SNCAIP: variants seen among roughly 807,000 people sequenced by gnomAD.
The protein encoded by SNCAIP is synuclein alpha interacting protein, also known as synphilin-1.
In SNCAIP, 43 loss-of-function variants were observed where a neutral mutation model predicts 86.7. The ratio of observed to expected loss-of-function variants is 0.50; its 90% confidence interval spans 0.39 to 0.64. SNCAIP has a LOEUF of 0.64. SNCAIP is among the 30% of genes least tolerant of loss of function. The pLI is 0.00. For missense variants in SNCAIP, 981 were observed against 1,103.1 expected, an observed-to-expected ratio of 0.89 and a Z score of 1.57; for synonymous variants, 417 against 427.2, an observed-to-expected ratio of 0.98 and a Z score of 0.29.
At chr5:122,314,750 C>T (rs952229798) in intron 1 of SNCAIP, among the ~76,000 whole-genome samples, 23 of 152,070 alleles carry the variant, frequency 1.5e-4, no homozygotes, top group African/African-American at 4.3e-4. Flanking sequence ...CGGTTTTTTA[C>T]GTTTTTGAAA....
At chr5:122,321,748 C>A (rs1378028874) in intron 1 of SNCAIP, 1 of 152,184 alleles carries the variant, frequency 6.6e-6, no homozygotes, top group Admixed American at 6.5e-5. Flanking sequence ...GTTTCAATCT[C>A]CCATCTTTGT....
intron 1 of SNCAIP, among the ~76,000 whole-genome samples, chr5:122,324,261 A>G (rs1315113250): frequency 2.6e-5 from 4 of 152,214 alleles, no homozygotes; most frequent in African/African-American, 9.6e-5. Context: ...TTGTGAAATT[A>G]TATCCTACAT....
chr5:122,463,298 C>T (rs1022986831), intron 10 of SNCAIP, among the ~76,000 whole-genome samples, 193 bp from the exon 11 acceptor site: 8 of 152,168 alleles, frequency 5.3e-5, no homozygotes, highest in African/African-American at 1.7e-4. Flanking sequence ...TGTGTTATTA[C>T]ATGACTATTG....
chr5:122,328,808 C>T (rs1030885425), intron 1 of SNCAIP, among the ~76,000 whole-genome samples: 3 of 152,194 alleles, frequency 2.0e-5, no homozygotes, highest in African/African-American at 4.8e-5. Context: ...GCCTTGCCCA[C>T]TTGTCCAGCT....
chr5:122,330,270 C>T (rs1363559400), intron 1 of SNCAIP, among the ~76,000 whole-genome samples: 1 of 151,578 alleles, frequency 6.6e-6, no homozygotes, highest in Non-Finnish European at 1.5e-5. Flanking sequence ...TACAGGCGCC[C>T]GCCACTACGC....
intron 2 of SNCAIP, among the ~76,000 whole-genome samples, chr5:122,391,494 C>T (rs565269141): frequency 2.1e-4 from 32 of 152,330 alleles, no homozygotes; most frequent in African/African-American, 7.2e-4. Context: ...CAGCCACTTT[C>T]ATAGAGTTAA....
intron 2 of SNCAIP, among the ~76,000 whole-genome samples, chr5:122,394,755 G>A (rs1770219266): frequency 6.6e-6 from 1 of 152,162 alleles, no homozygotes; most frequent in African/African-American, 2.4e-5. Flanking sequence ...GAAAGCAGAG[G>A]CTGAACTCTG....
intron 5 of SNCAIP, among the ~76,000 whole-genome samples, chr5:122,426,942 T>C (rs992686453): frequency 3.9e-5 from 6 of 152,196 alleles, no homozygotes; most frequent in Admixed American, 2.6e-4. Flanking sequence ...ATATTATTGC[T>C]AGTGGATAAG....
At chr5:122,397,922 A>G (rs1307960552) in intron 2 of SNCAIP, among the ~76,000 whole-genome samples, 1 of 152,194 alleles carries the variant, frequency 6.6e-6, no homozygotes, top group Non-Finnish European at 1.5e-5. Context: ...ATTTTAAACA[A>G]CAGTTGATGG....
chr5:122,411,497 T>C (rs142498553), intron 3 of SNCAIP, among the ~76,000 whole-genome samples: 1 of 152,158 alleles, frequency 6.6e-6, no homozygotes, highest in Non-Finnish European at 1.5e-5. Context: ...CAATATTAAA[T>C]GGGCTCTATC....
At chr5:122,399,000 T>A (rs1771213417) in intron 2 of SNCAIP, among the ~76,000 whole-genome samples, 1 of 152,156 alleles carries the variant, frequency 6.6e-6, no homozygotes, top group South Asian at 2.1e-4. Flanking sequence ...AGCTGACTTT[T>A]CAGTGTCATC....
chr5:122,404,924 A>G (rs1006159774), intron 3 of SNCAIP, among the ~76,000 whole-genome samples: 6 of 152,200 alleles, frequency 3.9e-5, no homozygotes, highest in Non-Finnish European at 5.9e-5. Flanking sequence ...TAATGCTTCA[A>G]TGTTTGGGTC....
intron 6 of SNCAIP, 108 bp downstream of exon 6, chr5:122,432,190 T>C (rs959130291): frequency 1.4e-6 from 1 of 707,344 alleles, no homozygotes; most frequent in African/African-American, 1.8e-5. Context: ...CAAAAATGTA[T>C]CCAAAGGTAT....
At chr5:122,453,136 T>C (rs1431068019) in intron 10 of SNCAIP, 8 of 568,928 alleles carry the variant, frequency 1.4e-5, no homozygotes, top group South Asian at 2.5e-5. Flanking sequence ...TTCCCCCAAG[T>C]AGAAGCAGGC....
Position 122,423,162 on chromosome 5 carries a change from A to G in SNCAIP, c.425A>G (p.Glu142Gly). 1.2e-6 allele frequency: 2 copies of G among 1,614,168 alleles called. No homozygotes were observed. Among genetic ancestry groups the G allele is most frequent in the Non-Finnish European group, 1.7e-6 (2 of 1,180,020 alleles). The change falls in exon 4 of 11, where the codon GAA becomes GGA. Residue 142 changes from glutamate (E) to glycine (G), a missense_variant. Coordinates refer to ENST00000261368, the MANE Select transcript of SNCAIP (RefSeq NM_005460.4). Reference protein sequence around the residue: ...KSSEPSTSLGELEHYDLDMDE... With the variant: ...KSSEPSTSLGGLEHYDLDMDE... ...TCTGAGCCCAGCACATCGCTGGGTG[A>G]ACTGGAGCACTACGACCTCGACATG...
chr5:122,450,950 G>A lies in SNCAIP; in HGVS notation c.2103G>A (p.Pro701=), dbSNP rs561046705. ...TPVRKADRPR[P]QPIVESVESM... Reference sequence around the variant, plus strand: ...TGAGGAAGGCTGACCGACCAAGGCCGCAGCCCATTGTAGAAAGCGTAGAGA... The same window carrying A: ...TGAGGAAGGCTGACCGACCAAGGCCACAGCCCATTGTAGAAAGCGTAGAGA... The change falls in exon 10 of 11, where the codon CCG becomes CCA. Residue 701 remains proline, a synonymous_variant. Coordinates refer to ENST00000261368, the MANE Select transcript of SNCAIP (RefSeq NM_005460.4). 35 of 1,614,096 alleles carry A rather than the reference G, an allele frequency of 2.2e-5. No homozygotes were observed. Among genetic ancestry groups the A allele is most frequent in the Middle Eastern group, 3.3e-4 (2 of 6,060 alleles).
In SNCAIP at chr5:122,451,293, G is replaced by T; in HGVS notation, c.2446G>T (p.Val816Phe). Reference sequence around the variant, plus strand: ...GACATCTCAGAACTTAAAACTGAGAGTTACCTTTGAGGAGCCTGTGGTGCA... The same window carrying T: ...GACATCTCAGAACTTAAAACTGAGATTTACCTTTGAGGAGCCTGTGGTGCA... ...RRTSQNLKLR[V>F]TFEEPVVQME... is the part of the protein sequence containing the mutation. The change falls in exon 10 of 11, where the codon GTT becomes TTT. Residue 816 changes from valine (V) to phenylalanine (F), a missense_variant. Physicochemically the swap from Val to Phe is conservative, Grantham distance 50. Transcript: ENST00000261368. 6.2e-7 allele frequency: 1 copy of T among 1,614,162 alleles called. No individual in the cohort carries two copies. The highest frequency in any genetic ancestry group is 8.5e-7 in the Non-Finnish European group (1 of 1,180,026).
intron 1 of SNCAIP, among the ~76,000 whole-genome samples, chr5:122,333,521 C>G (rs1000128954): frequency 2.0e-5 from 3 of 152,212 alleles, no homozygotes; most frequent in African/African-American, 7.2e-5. Context: ...TAAACCAGAG[C>G]TGATATTGTT....
intron 1 of SNCAIP, among the ~76,000 whole-genome samples, chr5:122,387,322 C>A (rs1768370746): frequency 1.3e-5 from 2 of 152,056 alleles, no homozygotes; most frequent in South Asian, 4.2e-4. Context: ...CCACGCCCGG[C>A]TAATGTTTTG....
Sources: gnomAD v4.1 joint callset for allele counts (sites outside exome capture counted in the v4.1 genomes callset) on GRCh38, gnomAD v4.1.1 for gene constraint, MANE v1.5 for transcripts, NCBI Gene and HGNC (gene_info 2026-07-23, HGNC 2026-07-21) for gene names.